Variants in ADCY2 observed in about 807,000 individuals in gnomAD.
ADCY2 encodes the protein adenylate cyclase type 2.
Under a neutral mutation model 125.2 loss-of-function variants are expected in ADCY2, and 31 were observed. The observed-to-expected ratio is 0.25, with a 90% CI of 0.19 to 0.33. The LOEUF (loss-of-function observed/expected upper bound fraction) is 0.33, where lower values mean the gene tolerates loss of function less well. Among genes scored for constraint, ADCY2 ranks in the 10% least tolerant of loss-of-function variants. The probability of loss-of-function intolerance (pLI) is 1.00; values close to 1 mark genes in which losing one functional copy is unlikely to be tolerated. For synonymous variants in ADCY2, 512 were observed against 548.4 expected (o/e 0.93, Z 0.93); for missense variants, 904 against 1,418.2 (o/e 0.64, Z 5.82).
chr5:7,503,372 T>C (rs983560583), intron 2 of ADCY2, among the ~76,000 whole-genome samples: 3 of 152,204 alleles, frequency 2.0e-5, no homozygotes, highest in Admixed American at 6.5e-5. Context: ...TGTTTATAAG[T>C]AGAGGTGACA....
At chr5:7,474,150 T>C (rs905500586) in intron 2 of ADCY2, among the ~76,000 whole-genome samples, 5 of 152,230 alleles carry the variant, frequency 3.3e-5, no homozygotes, top group Non-Finnish European at 5.9e-5. Flanking sequence ...GCAATGCTCT[T>C]TACAGGTAAT....
intron 2 of ADCY2, among the ~76,000 whole-genome samples, chr5:7,519,396 G>C (rs1030692932): frequency 6.6e-6 from 1 of 152,150 alleles, no homozygotes; most frequent in African/African-American, 2.4e-5. Flanking sequence ...CCCTTCAGGT[G>C]ACACAGGTCA....
At chr5:7,576,559 G>A (rs1736257930) in intron 3 of ADCY2, among the ~76,000 whole-genome samples, 1 of 152,194 alleles carries the variant, frequency 6.6e-6, no homozygotes, top group Admixed American at 6.5e-5. Flanking sequence ...TCTTGGGTAA[G>A]TAATAACAAC....
chr5:7,766,195 C>T (rs770791219), intron 16 of ADCY2, among the ~76,000 whole-genome samples: 2 of 152,018 alleles, frequency 1.3e-5, no homozygotes, highest in Non-Finnish European at 2.9e-5. Flanking sequence ...ATACAAATGT[C>T]GAGGCTGGTG....
At chr5:7,483,154 TAGAAG>T (rs1409235298) in intron 2 of ADCY2, among the ~76,000 whole-genome samples, 3 of 152,120 alleles carry the variant, frequency 2.0e-5, no homozygotes, top group Admixed American at 1.3e-4. Context: ...TCTAAATAGT[TAGAAG>T]AGAAGAATTA....
chr5:7,726,743 G>C (rs1418413473), intron 13 of ADCY2, among the ~76,000 whole-genome samples: 12 of 152,268 alleles, frequency 7.9e-5, no homozygotes, highest in Non-Finnish European at 1.6e-4. Context: ...AATATGTCTT[G>C]CATTTCCTCA....
At chr5:7,791,038 G>T (rs1744233913) in intron 20 of ADCY2, among the ~76,000 whole-genome samples, 1 of 108,950 alleles carries the variant, frequency 9.2e-6, no homozygotes, top group South Asian at 3.6e-4. Context: ...CTGTTTTCTG[G>T]TCAGTTTTTT....
intron 2 of ADCY2, among the ~76,000 whole-genome samples, chr5:7,448,497 G>A (rs149313261): frequency 0.019 from 2,891 of 151,890 alleles, 88 homozygotes; most frequent in African/African-American, 0.066. Flanking sequence ...CAACTTTTAA[G>A]TTCTGGGGTA....
Position 7,396,424 on chromosome 5 carries a change from A to G in ADCY2, c.128A>G (p.Gln43Arg). 2 of 1,581,136 alleles carry G rather than the reference A, an allele frequency of 1.3e-6. No homozygotes were observed. The highest frequency in any genetic ancestry group is 1.7e-6 in the Non-Finnish European group (2 of 1,164,124). Reference sequence around the variant, plus strand: ...GAGTCCTACTACTGCATGAGCCAGCAGCACCCGCTCATCGTCTTCCTGCTG... The same window carrying G: ...GAGTCCTACTACTGCATGAGCCAGCGGCACCCGCTCATCGTCTTCCTGCTG... ...LYESYYCMSQQHPLIVFLLLI... is the reference protein window; with the variant it reads ...LYESYYCMSQRHPLIVFLLLI... Residue 43 changes from glutamine to arginine, a missense_variant, in exon 1 of 25, where the codon CAG becomes CGG. Gln to Arg is a conservative substitution (Grantham distance 43). Transcript: ENST00000338316. This position sits in a 1 kb window ranked among gnomAD's most constrained non-coding sequence, Gnocchi z 5.7.
intron 4 of ADCY2, among the ~76,000 whole-genome samples, chr5:7,668,453 C>G (rs963746361): frequency 1.6e-4 from 25 of 152,300 alleles, no homozygotes; most frequent in African/African-American, 6.0e-4. Context: ...GACAGATAGA[C>G]AGCAATGGAC....
intron 3 of ADCY2, among the ~76,000 whole-genome samples, chr5:7,597,547 G>A (rs1242111003): frequency 6.6e-6 from 1 of 152,178 alleles, no homozygotes; most frequent in African/African-American, 2.4e-5. Flanking sequence ...GGCCAAGGTG[G>A]GTGGATCACT....
At chr5:7,690,963 A>T in intron 5 of ADCY2, 124 bp downstream of exon 5, 1 of 1,155,708 alleles carries the variant, frequency 8.7e-7, no homozygotes, top group African/African-American at 1.6e-5. Flanking sequence ...TGCAGGGGAA[A>T]TAATCACACA....
intron 2 of ADCY2, among the ~76,000 whole-genome samples, chr5:7,488,678 T>A (rs1245420780): frequency 6.6e-6 from 1 of 152,106 alleles, no homozygotes; most frequent in Non-Finnish European, 1.5e-5. Flanking sequence ...CACGTTGAAG[T>A]GGAAGTTAGG....
chr5:7,603,777 T>C (rs1737298374), intron 3 of ADCY2, among the ~76,000 whole-genome samples: 1 of 112,704 alleles, frequency 8.9e-6, no homozygotes, highest in Non-Finnish European at 1.9e-5. Flanking sequence ...GGGGTAATGC[T>C]CTCTTTCTTT....
chr5:7,716,938 A>G (rs1016647599), intron 11 of ADCY2, among the ~76,000 whole-genome samples: 5 of 152,226 alleles, frequency 3.3e-5, no homozygotes, highest in Admixed American at 2.0e-4. Context: ...AATTCAAAGT[A>G]GTCAGAAGAG....
chr5:7,413,830 G>T (rs1739827531), intron 1 of ADCY2, among the ~76,000 whole-genome samples: 1 of 152,126 alleles, frequency 6.6e-6, no homozygotes, highest in Non-Finnish European at 1.5e-5. Flanking sequence ...GTGGGTCTTT[G>T]TCATGTGGTA....
intron 3 of ADCY2, among the ~76,000 whole-genome samples, chr5:7,573,593 C>CTTTTTTTTTTTTTTTTTTTTTTTTTTTTT (rs763347773): frequency 1.2e-4 from 10 of 86,372 alleles, no homozygotes; most frequent in Admixed American, 1.3e-4. Flanking sequence ...GGTTGATTTT[C>CTTTTTTTTTTTTTTTTTTTTTTTTTTTTT]TTTTTTTTTT....
intron 2 of ADCY2, among the ~76,000 whole-genome samples, chr5:7,428,419 A>C (rs973804615): frequency 6.6e-6 from 1 of 152,088 alleles, no homozygotes; most frequent in Admixed American, 6.6e-5. Flanking sequence ...ATGGCTTTTC[A>C]CTCCATGATA....
chr5:7,420,159 G>A (rs773666460), intron 2 of ADCY2, among the ~76,000 whole-genome samples: 3 of 152,098 alleles, frequency 2.0e-5, no homozygotes, highest in African/African-American at 4.8e-5. Context: ...CAGAAGCTGG[G>A]GATGCTGCTA....
Sources: gnomAD v4.1 joint callset for allele counts (sites outside exome capture counted in the v4.1 genomes callset) on GRCh38, gnomAD v4.1.1 for gene constraint, Gnocchi (gnomAD v3.1) non-coding constraint, MANE v1.5 for transcripts, NCBI Gene and HGNC (gene_info 2026-07-23, HGNC 2026-07-21) for gene names.